IFT140: variants seen among roughly 807,000 people sequenced by gnomAD.
IFT140 encodes intraflagellar transport protein 140 homolog.
In IFT140, 133 loss-of-function variants were observed where a neutral mutation model predicts 164.6. That is an observed-to-expected ratio of 0.81 (90% CI 0.70 to 0.93). The LOEUF is 0.93. IFT140 is among the 40% of genes least tolerant of loss of function. IFT140 has a pLI of 0.00. For missense variants in IFT140, 2,045 were observed against 1,972.3 expected, an observed-to-expected ratio of 1.04 and a Z score of -0.70; for synonymous variants, 860 against 817.3, an observed-to-expected ratio of 1.05 and a Z score of -0.89.
At chr16:1,594,558 T>C (rs894816444) in intron 4 of IFT140, among the ~76,000 whole-genome samples, 2 of 152,202 alleles carry the variant, frequency 1.3e-5, no homozygotes, top group Non-Finnish European at 1.5e-5. Context: ...GAATCAGCCA[T>C]TTCTCCGAGG....
chr16:1,525,915 T>C lies in IFT140; in HGVS notation c.2740A>G (p.Ser914Gly), dbSNP rs1350790388. ...CTGAGGGCCCGGCTGCAGTCGGCGCTGGCCTCCAGGTGCCCGGCATAGCGG... is the reference window on the plus strand; with the variant it reads ...CTGAGGGCCCGGCTGCAGTCGGCGCCGGCCTCCAGGTGCCCGGCATAGCGG... ...YHRYAGHLEA[S>G]ADCSRALSYY... Residue 914 changes from serine (S) to glycine (G), a missense_variant, in exon 21 of 31, where the codon AGC becomes GGC. Physicochemically the swap from Ser to Gly is moderately conservative, Grantham distance 56. Transcript: ENST00000426508. The C allele has an allele frequency of 6.4e-7, 1 of 1,561,970 alleles. No individual in the cohort carries two copies. Among genetic ancestry groups the C allele is most frequent in the South Asian group, 1.2e-5 (1 of 85,190 alleles).
chr16:1,602,439 CA>C lies in IFT140; in HGVS notation c.299del (p.Leu100ArgfsTer45), dbSNP rs765121658. 6.2e-7 allele frequency: 1 copy of C among 1,614,226 alleles called. No homozygotes were observed. ...KQDKEQHTMP[L>X]THTADITVLR... The stretch of plus-strand genomic sequence containing the variant: ...GCACGGTGATGTCGGCTGTGTGTGT[CA>C]GGGGCATCGTGTGCTGCTCCTTGTC... On this transcript the variant is annotated frameshift_variant, in exon 4 of 31. Coordinates refer to ENST00000426508, the MANE Select transcript of IFT140 (RefSeq NM_014714.4). LOFTEE classifies it high-confidence loss of function.
chr16:1,586,525 C>T (rs1567405898), intron 9 of IFT140, among the ~76,000 whole-genome samples: 1 of 152,194 alleles, frequency 6.6e-6, no homozygotes, highest in South Asian at 2.1e-4. Flanking sequence ...CTCGGGGCTG[C>T]CCCATGCTCA....
At chr16:1,526,541 GCCT>G (rs1386277631) in intron 20 of IFT140, 75 bp downstream of exon 20, 2 of 1,357,432 alleles carry the variant, frequency 1.5e-6, no homozygotes, top group South Asian at 1.5e-5. Flanking sequence ...CGGTGGGCGT[GCCT>G]CCTCCTTCCC....
chr16:1,524,037 G>A, intron 24 of IFT140, 81 bp from the exon 25 acceptor site: 1 of 1,533,352 alleles, frequency 6.5e-7, no homozygotes, highest in Non-Finnish European at 8.8e-7. Flanking sequence ...GTGGCCGGGT[G>A]CGAACCCGCC....
rs986900353 is a variant in IFT140 at position 1,524,849 on chromosome 16, A to T, written c.2932T>A (p.Tyr978Asn). Residue 978 changes from tyrosine to asparagine, a missense_variant, in exon 23 of 31, where the codon TAC (tyrosine) becomes AAC (asparagine). By Grantham distance (143) the Tyr-to-Asn change is moderately radical. Coordinates refer to ENST00000426508, the MANE Select transcript of IFT140 (RefSeq NM_014714.4). The stretch of plus-strand genomic sequence containing the variant: ...GAGAAGTGGTCCCGGGCCAGCTCGT[A>T]GTAGTGCAGCGCGGCGTCCATCTCG... ...QGEMDAALHYYELARDHFSLV... is the reference protein window; with the variant it reads ...QGEMDAALHYNELARDHFSLV... 6.2e-7 allele frequency: 1 copy of T among 1,613,208 alleles called. No homozygotes were observed. The highest frequency in any genetic ancestry group is 8.5e-7 in the Non-Finnish European group (1 of 1,179,638).
chr16:1,519,324 G>A (rs1331553711), intron 29 of IFT140, among the ~76,000 whole-genome samples: 1 of 152,192 alleles, frequency 6.6e-6, no homozygotes, highest in African/African-American at 2.4e-5. Context: ...CCACCGTGGT[G>A]GCCACACAGC....
At chr16:1,587,824 G>A in intron 8 of IFT140, 109 bp downstream of exon 8, 6 of 825,856 alleles carry the variant, frequency 7.3e-6, no homozygotes, top group South Asian at 6.8e-5. Flanking sequence ...AGAGCACTCA[G>A]CATCATATGT....
In IFT140 at chr16:1,592,560, T is replaced by G. The variant is rs2141916604; in HGVS notation, c.398A>C (p.Asp133Ala). 1 of 1,614,180 alleles carries G rather than the reference T, an allele frequency of 6.2e-7. No individual in the cohort carries two copies. The highest frequency in any genetic ancestry group is 8.5e-7 in the Non-Finnish European group (1 of 1,180,040). ...CGTCCCTTGCACTCGGCCCCTTTGG[T>G]CCAACCTCCACAAGAGCAAGACACC... is the stretch of plus-strand genomic sequence containing the variant. ...RLGVLLLWRL[D>A]QRGRVQGTPL... Residue 133 changes from aspartate to alanine, a missense_variant, in exon 5 of 31, where the codon GAC becomes GCC. By Grantham distance (126) the Asp-to-Ala change is moderately radical. Coordinates refer to ENST00000426508, the MANE Select transcript of IFT140 (RefSeq NM_014714.4).
At position 1,553,483 on chromosome 16, in the gene IFT140, A is replaced by G; in HGVS notation, c.2399+4452T>C. 1 of 985,472 alleles carries G rather than the reference A, an allele frequency of 1.0e-6. No homozygotes were observed. The highest frequency in any genetic ancestry group is 1.2e-6 in the Non-Finnish European group (1 of 829,934). The allele number at this position is 985,472 out of a possible 1,614,324, so 61.0% of individuals were successfully genotyped here. ...CAACATGCAGGCCAGGCGGAGGGAC[A>G]GCAGTGGGGCTCGGCGTGGCCGGAG... is the stretch of plus-strand genomic sequence containing the variant. On this transcript the variant is annotated intron_variant, in intron 19 of 30. Coordinates refer to ENST00000426508, the MANE Select transcript of IFT140 (RefSeq NM_014714.4). The surrounding 1 kb of genome is among the most constrained non-coding windows in gnomAD (Gnocchi z 4.4).
At chr16:1,594,736 C>A (rs780205521) in intron 4 of IFT140, among the ~76,000 whole-genome samples, 1 of 152,172 alleles carries the variant, frequency 6.6e-6, no homozygotes, top group Admixed American at 6.5e-5. Flanking sequence ...CGGGGCCTCC[C>A]GGGACGAGGG....
chr16:1,547,414 TACTC>T (rs2141348507), intron 19 of IFT140, among the ~76,000 whole-genome samples: 1 of 152,384 alleles, frequency 6.6e-6, no homozygotes, highest in African/African-American at 2.4e-5. Context: ...GCAGGGTTGA[TACTC>T]ACTGACATGG....
Position 1,583,356 on chromosome 16 carries a change from C to G in IFT140, c.1390G>C (p.Val464Leu). Residue 464 changes from valine (V) to leucine (L), a missense_variant, in exon 12 of 31, where the codon GTG (valine) becomes CTG (leucine). Coordinates refer to ENST00000426508, the MANE Select transcript of IFT140 (RefSeq NM_014714.4). Reference protein sequence around the residue: ...DAVAVWNGRQVAIFELSGAAI... With the variant: ...DAVAVWNGRQLAIFELSGAAI... ...GCTCCAGAAAGCTCGAAGATCGCCA[C>G]CTGCCTTCCGTTCCAGACTGCGACA... is the stretch of plus-strand genomic sequence containing the variant. 1 of 1,614,172 alleles carries G rather than the reference C, an allele frequency of 6.2e-7. No individual in the cohort carries two copies. Among genetic ancestry groups the G allele is most frequent in the Non-Finnish European group, 8.5e-7 (1 of 1,180,034 alleles).
In IFT140 at chr16:1,528,343, A is replaced by G. The variant is rs572967006; in HGVS notation, c.2400-1547T>C. Among the ~76,000 whole-genome samples the G allele has an allele frequency of 1.8e-3, 236 of 131,028 alleles. 1 individual carries two copies. Among genetic ancestry groups the G allele is most frequent in the African/African-American group, 1.8e-3 (68 of 37,868 alleles). The allele number at this position is 131,028 out of a possible 152,430, so 86.0% of individuals were successfully genotyped here. ...CGCATGCACGCACGTGTGCACACAC[A>G]CGCATGCACGCACGTGTGCACACAC... is the stretch of plus-strand genomic sequence containing the variant. On this transcript the variant is annotated intron_variant, in intron 19 of 30. Coordinates refer to ENST00000426508, the MANE Select transcript of IFT140 (RefSeq NM_014714.4).
At chr16:1,569,683 T>C (rs2033920174) in intron 14 of IFT140, among the ~76,000 whole-genome samples, 1 of 150,556 alleles carries the variant, frequency 6.6e-6, no homozygotes, top group Non-Finnish European at 1.5e-5. Flanking sequence ...CTTGACCTCC[T>C]GGGCTCAAGT....
chr16:1,547,135 T>A (rs1259326324), intron 19 of IFT140, among the ~76,000 whole-genome samples: 1 of 152,166 alleles, frequency 6.6e-6, no homozygotes, highest in Non-Finnish European at 1.5e-5. Context: ...TCTTTCCCAC[T>A]CCCCATTACC....
At chr16:1,540,481 G>T (rs548807644) in intron 19 of IFT140, among the ~76,000 whole-genome samples, 1 of 152,350 alleles carries the variant, frequency 6.6e-6, no homozygotes, top group South Asian at 2.1e-4. Flanking sequence ...CGTGCTCTGA[G>T]GAGGCAGCTT....
chr16:1,518,715 C>T (rs963162128), intron 29 of IFT140, among the ~76,000 whole-genome samples: 1 of 151,688 alleles, frequency 6.6e-6, no homozygotes, highest in African/African-American at 2.4e-5. Flanking sequence ...CGCACGGCAC[C>T]CCTTGCCCAA....
rs765727924 is a variant in IFT140 at position 1,586,103 on chromosome 16, T to C, written c.1155+27A>G. The C allele has an allele frequency of 2.5e-6, 4 of 1,607,322 alleles. No homozygotes were observed. In the African/African-American group the frequency reaches 4.0e-5, roughly 16 times the overall value. On this transcript the variant is annotated intron_variant, in intron 10 of 30. Coordinates refer to ENST00000426508, the MANE Select transcript of IFT140 (RefSeq NM_014714.4). ...CCACTTTCATGCAGCAGAAAATGAG[T>C]GCACCGAACACCCTTGGAGGCTGTA...
Sources: allele counts gnomAD v4.1 joint callset (sites outside exome capture counted in the v4.1 genomes callset), GRCh38; gene constraint gnomAD v4.1.1; non-coding constraint Gnocchi (gnomAD v3.1); transcripts MANE v1.5; gene names NCBI Gene and HGNC (gene_info 2026-07-23, HGNC 2026-07-21).